LAPTM4B: variants seen among roughly 807,000 people sequenced by gnomAD.
LAPTM4B encodes lysosomal-associated transmembrane protein 4B.
LAPTM4B carries 26 observed loss-of-function variants against 28.5 expected under a neutral mutation model. That is an observed-to-expected ratio of 0.91 (90% confidence interval 0.67 to 1.27). The LOEUF is 1.27. Ranked by LOEUF, LAPTM4B falls within the 50% of genes most tolerant of loss-of-function variation. LAPTM4B has a pLI of 0.00. For synonymous variants in LAPTM4B, 109 were observed against 106.4 expected, an observed-to-expected ratio of 1.02 and a Z score of -0.15; for missense variants, 288 against 285.8, an observed-to-expected ratio of 1.01 and a Z score of -0.06.
intron 1 of LAPTM4B, among the ~76,000 whole-genome samples, chr8:97,787,130 GC>G (rs946918967): frequency 1.3e-5 from 2 of 152,026 alleles, no homozygotes; most frequent in African/African-American, 2.4e-5. Flanking sequence ...TTGTGTCCTG[GC>G]CTGCTGTAAG....
At chr8:97,799,787 GC>G (rs1051266141) in intron 1 of LAPTM4B, among the ~76,000 whole-genome samples, 2 of 151,926 alleles carry the variant, frequency 1.3e-5, no homozygotes, top group African/African-American at 2.4e-5. Flanking sequence ...TCACCACCTG[GC>G]CCCATCCTAC....
At chr8:97,819,086 A>G in intron 4 of LAPTM4B, 54 bp from the exon 5 acceptor site, 2 of 1,053,584 alleles carry the variant, frequency 1.9e-6, no homozygotes, top group Non-Finnish European at 2.9e-6. Flanking sequence ...TGCCCAAGGA[A>G]TACTGTCTGG....
At chr8:97,784,516 T>C (rs1236716558) in intron 1 of LAPTM4B, among the ~76,000 whole-genome samples, 2 of 152,194 alleles carry the variant, frequency 1.3e-5, no homozygotes, top group Non-Finnish European at 2.9e-5. Context: ...CTCCACTCAC[T>C]GCAAGCTCTG....
intron 6 of LAPTM4B, among the ~76,000 whole-genome samples, chr8:97,835,225 T>G (rs1208882947): frequency 1.3e-5 from 2 of 152,242 alleles, no homozygotes; most frequent in Non-Finnish European, 2.9e-5. Context: ...CCAGGCTGAA[T>G]AGTTTCAGGT....
intron 1 of LAPTM4B, among the ~76,000 whole-genome samples, 162 bp from the exon 2 acceptor site, chr8:97,805,191 T>C (rs1424717790): frequency 6.6e-6 from 1 of 152,204 alleles, no homozygotes; most frequent in African/African-American, 2.4e-5. Context: ...TGGGAATGTT[T>C]ATCTGCTCCC....
intron 1 of LAPTM4B, among the ~76,000 whole-genome samples, chr8:97,787,287 CTTT>C (rs777122592): frequency 5.4e-5 from 7 of 129,500 alleles, no homozygotes; most frequent in African/African-American, 5.5e-5. Flanking sequence ...ATGTTTCTTT[CTTT>C]TTTTTTTTTT....
chr8:97,776,225 T>G, intron 1 of LAPTM4B, 117 bp downstream of exon 1: 1 of 1,197,908 alleles, frequency 8.3e-7, no homozygotes, highest in Non-Finnish European at 1.1e-6. Flanking sequence ...GTTGTATTAT[T>G]AGAAACTTAA....
intron 2 of LAPTM4B, among the ~76,000 whole-genome samples, chr8:97,814,277 A>T (rs966075159): frequency 4.6e-5 from 7 of 152,196 alleles, no homozygotes; most frequent in Non-Finnish European, 1.0e-4. Context: ...TGGGAGGCCG[A>T]GGCTGGCAGA....
intron 6 of LAPTM4B, among the ~76,000 whole-genome samples, chr8:97,830,868 AT>A (rs372834733): frequency 2.6e-5 from 4 of 152,070 alleles, no homozygotes; most frequent in African/African-American, 9.7e-5. Context: ...AGCTCAGCGG[AT>A]TTCATGTCTA....
intron 2 of LAPTM4B, among the ~76,000 whole-genome samples, chr8:97,806,694 TAGTG>T (rs1315460479): frequency 5.3e-5 from 8 of 152,224 alleles, no homozygotes; most frequent in Non-Finnish European, 1.2e-4. Context: ...ATTCTTGTGA[TAGTG>T]AGTAAGTCTC....
At chr8:97,843,813 A>AAATAAATAAATAAATC (rs768901632) in intron 6 of LAPTM4B, among the ~76,000 whole-genome samples, 2 of 146,168 alleles carry the variant, frequency 1.4e-5, no homozygotes, top group Non-Finnish European at 3.1e-5. Context: ...ATAAATAAAT[A>AAATAAATAAATAAATC]AATCATTTGC....
At chr8:97,777,214 T>G (rs2060003474) in intron 1 of LAPTM4B, among the ~76,000 whole-genome samples, 1 of 140,860 alleles carries the variant, frequency 7.1e-6, no homozygotes, top group African/African-American at 2.6e-5. Flanking sequence ...TGGCATGATC[T>G]CTGCTCACTG....
At chr8:97,804,588 G>A (rs552890629) in intron 1 of LAPTM4B, among the ~76,000 whole-genome samples, 2 of 152,318 alleles carry the variant, frequency 1.3e-5, no homozygotes, top group South Asian at 4.1e-4. Context: ...CACTTCGTTA[G>A]GTTATTGCAG....
intron 1 of LAPTM4B, among the ~76,000 whole-genome samples, chr8:97,780,050 CAA>C (rs57555167): frequency 0.022 from 2,025 of 91,922 alleles, 34 homozygotes; most frequent in African/African-American, 0.064. Context: ...GACTCTGTCT[CAA>C]AAAAAAAAAA....
chr8:97,832,395 C>T (rs1287926170), intron 6 of LAPTM4B, among the ~76,000 whole-genome samples: 1 of 152,106 alleles, frequency 6.6e-6, no homozygotes, highest in African/African-American at 2.4e-5. Context: ...TGTTGACATA[C>T]ATGCCGGGAA....
chr8:97,814,089 T>G (rs545226082), intron 2 of LAPTM4B, among the ~76,000 whole-genome samples: 45 of 152,338 alleles, frequency 3.0e-4, no homozygotes, highest in African/African-American at 1.0e-3. Flanking sequence ...CGGTGACTTA[T>G]GCCTATAATC....
rs115083678 is a variant in LAPTM4B at position 97,844,334 on chromosome 8, C to T, written c.604-7063C>T. On this transcript the variant is annotated intron_variant, in intron 6 of 6. Transcript: ENST00000521545. ...CTGGTCCTGAACTCCTGGGCTTAAACGATCTGCCTGCCTTGGCCTCCCAAA... is the reference window on the plus strand; with the variant it reads ...CTGGTCCTGAACTCCTGGGCTTAAATGATCTGCCTGCCTTGGCCTCCCAAA... 1.8e-3 allele frequency among the ~76,000 whole-genome samples: 273 copies of T among 152,198 alleles called. 1 individual carries two copies. Among genetic ancestry groups the T allele is most frequent in the African/African-American group, 6.3e-3 (261 of 41,498 alleles).
chr8:97,829,930 C>T (rs992986588), intron 6 of LAPTM4B, among the ~76,000 whole-genome samples: 23 of 152,030 alleles, frequency 1.5e-4, no homozygotes, highest in African/African-American at 4.8e-4. Flanking sequence ...CTCCTGACCT[C>T]GTGATCCACC....
At chr8:97,796,951 A>C (rs1287071416) in intron 1 of LAPTM4B, among the ~76,000 whole-genome samples, 1 of 151,886 alleles carries the variant, frequency 6.6e-6, no homozygotes, top group African/African-American at 2.4e-5. Context: ...ATAAATAAAT[A>C]AATCTCAATA....
Sources: gnomAD v4.1 joint callset for allele counts (sites outside exome capture counted in the v4.1 genomes callset) on GRCh38, gnomAD v4.1.1 for gene constraint, MANE v1.5 for transcripts, NCBI Gene and HGNC (gene_info 2026-07-23, HGNC 2026-07-21) for gene names.